TCF4: variants seen among roughly 807,000 people sequenced by gnomAD.
TCF4 encodes the protein SL3-3 enhancer factor 2.
A neutral mutation model predicts 82.1 loss-of-function variants in TCF4; 3 were observed. That is an observed-to-expected ratio of 0.04 (90% CI 0.02 to 0.09). The LOEUF is 0.09. Ranked by LOEUF, TCF4 falls within the 10% of genes least tolerant of loss-of-function variation. TCF4 has a pLI of 1.00. For synonymous variants in TCF4, 276 were observed against 309.6 expected (o/e 0.89, Z 1.14); for missense variants, 518 against 852.7 (o/e 0.61, Z 4.89).
intron 3 of TCF4, among the ~76,000 whole-genome samples, chr18:55,512,977 A>G (rs1422917967): frequency 2.0e-5 from 3 of 152,182 alleles, no homozygotes; most frequent in Non-Finnish European, 2.9e-5. Flanking sequence ...CTTCAGGATC[A>G]GGCCAGTGAA....
chr18:55,404,079 G>C, intron 5 of TCF4: 1 of 1,098,604 alleles, frequency 9.1e-7, no homozygotes, highest in Non-Finnish European at 1.1e-6. Flanking sequence ...TTTACATTTG[G>C]GAAACAGGGC....
intron 5 of TCF4, chr18:55,404,073 C>T (rs2093969492): frequency 3.6e-6 from 4 of 1,109,076 alleles, no homozygotes; most frequent in Non-Finnish European, 3.3e-6. Flanking sequence ...ATGGAATTTA[C>T]ATTTGGGAAA....
At chr18:55,465,871 G>A (rs1294965487) in intron 3 of TCF4, among the ~76,000 whole-genome samples, 1 of 152,174 alleles carries the variant, frequency 6.6e-6, no homozygotes, top group East Asian at 1.9e-4. Context: ...ATTCATTTGA[G>A]AGATTTCTCC....
intron 3 of TCF4, among the ~76,000 whole-genome samples, chr18:55,519,562 G>A (rs1431610878): frequency 1.3e-5 from 2 of 152,086 alleles, no homozygotes; most frequent in African/African-American, 4.8e-5. Context: ...GCAAATTTGA[G>A]AAATATAATA....
intron 3 of TCF4, among the ~76,000 whole-genome samples, chr18:55,541,515 A>G (rs1250381078): frequency 6.6e-6 from 1 of 151,984 alleles, no homozygotes; most frequent in Non-Finnish European, 1.5e-5. Flanking sequence ...TTGGCCCATA[A>G]CTAAACCTGT....
chr18:55,321,681 T>C, intron 8 of TCF4: 1 of 1,536,142 alleles, frequency 6.5e-7, no homozygotes, highest in South Asian at 1.2e-5. Context: ...GCTTTCCCAT[T>C]ATAGTAGTAC....
At chr18:55,518,659 C>A (rs1259769769) in intron 3 of TCF4, among the ~76,000 whole-genome samples, 2 of 151,946 alleles carry the variant, frequency 1.3e-5, no homozygotes, top group Non-Finnish European at 2.9e-5. Flanking sequence ...GGATGAATAA[C>A]CCAGAAATAT....
chr18:55,486,726 T>G (rs1465910937), intron 3 of TCF4, among the ~76,000 whole-genome samples: 3 of 151,734 alleles, frequency 2.0e-5, no homozygotes, highest in African/African-American at 7.3e-5. Context: ...GGGTAACGCT[T>G]TAACTCAAGA....
chr18:55,587,487 G>A (rs904015805), intron 1 of TCF4, among the ~76,000 whole-genome samples: 5 of 149,536 alleles, frequency 3.3e-5, no homozygotes, highest in African/African-American at 7.4e-5. Flanking sequence ...TGCAACAGGA[G>A]GTAGAGCGAG....
intron 3 of TCF4, among the ~76,000 whole-genome samples, chr18:55,468,891 C>CCCCCCA (rs763484029): frequency 1.2e-4 from 15 of 127,790 alleles, no homozygotes; most frequent in East Asian, 2.6e-4. Context: ...GCCCCCCCCC[C>CCCCCCA]CCTTGTTCTA....
chr18:55,257,050 G>A (rs1327700885), intron 14 of TCF4, among the ~76,000 whole-genome samples: 1 of 152,134 alleles, frequency 6.6e-6, no homozygotes, highest in East Asian at 1.9e-4. Context: ...TCCTAGAGAT[G>A]GGGAGAAGGC....
intron 8 of TCF4, among the ~76,000 whole-genome samples, chr18:55,342,646 AT>A (rs532383897): frequency 1.3e-5 from 2 of 152,044 alleles, no homozygotes; most frequent in Admixed American, 6.6e-5. Flanking sequence ...TCCTTAGACA[AT>A]TTTTTTCTTA....
At chr18:55,581,855 C>T (rs942398179) in intron 3 of TCF4, among the ~76,000 whole-genome samples, 1 of 152,024 alleles carries the variant, frequency 6.6e-6, no homozygotes, top group Non-Finnish European at 1.5e-5. Context: ...TTCAAACACT[C>T]GTTCATTTGA....
chr18:55,283,131 A>G (rs1231088339), intron 8 of TCF4, among the ~76,000 whole-genome samples: 1 of 152,134 alleles, frequency 6.6e-6, no homozygotes, highest in Non-Finnish European at 1.5e-5. Flanking sequence ...AAATCTCTAG[A>G]TAACACTGAA....
At chr18:55,254,768 AT>A (rs1027935010) in intron 14 of TCF4, 68 bp from the exon 15 acceptor site, 3 of 1,440,160 alleles carry the variant, frequency 2.1e-6, no homozygotes. Context: ...TACAAGTAAA[AT>A]TTTAGTCGAC....
chr18:55,363,621 C>T (rs904083363), intron 6 of TCF4, among the ~76,000 whole-genome samples: 1 of 151,954 alleles, frequency 6.6e-6, no homozygotes, highest in Non-Finnish European at 1.5e-5. Context: ...CTGGCCAACA[C>T]GGCGAAACCC....
intron 3 of TCF4, among the ~76,000 whole-genome samples, chr18:55,520,775 T>C (rs2096926331): frequency 6.6e-6 from 1 of 152,198 alleles, no homozygotes; most frequent in South Asian, 2.1e-4. Context: ...TGCCATTCAT[T>C]AGGCAGGAAT....
intron 15 of TCF4, 127 bp downstream of exon 15, chr18:55,254,370 C>T (rs1387332748): frequency 1.2e-6 from 1 of 860,068 alleles, no homozygotes; most frequent in African/African-American, 1.7e-5. Context: ...CTGAAATGGG[C>T]TCATCGTATG....
intron 3 of TCF4, among the ~76,000 whole-genome samples, chr18:55,488,160 G>C (rs1041928575): frequency 2.0e-5 from 3 of 152,138 alleles, no homozygotes. Context: ...ATTCAGTTGT[G>C]GTCATGAAAA....
Sources: gnomAD v4.1 joint callset for allele counts (sites outside exome capture counted in the v4.1 genomes callset) on GRCh38, gnomAD v4.1.1 for gene constraint, MANE v1.5 for transcripts, NCBI Gene and HGNC (gene_info 2026-07-23, HGNC 2026-07-21) for gene names.